The following ARFGEF2 variants were observed in gnomAD, a reference collection of about 807,000 sequenced individuals.
ARFGEF2 encodes brefeldin A-inhibited guanine nucleotide-exchange protein 2.
ARFGEF2 carries 74 observed loss-of-function variants against 219.9 expected under a neutral mutation model. That is an observed-to-expected ratio of 0.34 (90% confidence interval 0.28 to 0.41). The LOEUF (loss-of-function observed/expected upper bound fraction) is 0.41, where lower values mean the gene tolerates loss of function less well. Ranked by LOEUF, ARFGEF2 falls within the 10% of genes least tolerant of loss-of-function variation. The pLI, the probability that ARFGEF2 is intolerant of heterozygous loss-of-function variation, is 1.00. For missense variants in ARFGEF2, 1,743 were observed against 2,218.3 expected (o/e 0.79, Z 4.30); for synonymous variants, 733 against 799.2 (o/e 0.92, Z 1.40).
chr20:48,963,678 C>T, intron 6 of ARFGEF2, 152 bp from the exon 7 acceptor site: 2 of 723,744 alleles, frequency 2.8e-6, no homozygotes. Context: ...GGAAGTTGTC[C>T]TCCATTGACA....
intron 14 of ARFGEF2, 84 bp downstream of exon 14, chr20:48,976,283 A>G (rs879581767): frequency 1.0e-5 from 16 of 1,536,924 alleles, no homozygotes; most frequent in African/African-American, 2.7e-5. Context: ...CTAAAAAGGA[A>G]ATGCCTGTTT....
intron 21 of ARFGEF2, among the ~76,000 whole-genome samples, chr20:48,993,762 C>T (rs746155261): frequency 1.3e-5 from 2 of 152,154 alleles, no homozygotes; most frequent in Non-Finnish European, 2.9e-5. Context: ...CCCCTCAGGA[C>T]CAGGAGATCC....
intron 36 of ARFGEF2, among the ~76,000 whole-genome samples, chr20:49,027,280 G>A (rs1443926959): frequency 6.6e-6 from 1 of 151,966 alleles, no homozygotes; most frequent in African/African-American, 2.4e-5. Flanking sequence ...TGATCCACCT[G>A]CCTTGGCCTC....
At chr20:48,982,335 C>T (rs937661281) in intron 14 of ARFGEF2, among the ~76,000 whole-genome samples, 1 of 152,172 alleles carries the variant, frequency 6.6e-6, no homozygotes, top group African/African-American at 2.4e-5. Flanking sequence ...GCAAATATTG[C>T]AGAACAGCAA....
intron 7 of ARFGEF2, 101 bp downstream of exon 7, chr20:48,963,999 G>T: frequency 9.5e-7 from 1 of 1,047,254 alleles, no homozygotes. Context: ...CCTGCCCTAA[G>T]AACTGGTGGA....
At chr20:49,017,170 A>G in intron 31 of ARFGEF2, 79 bp from the exon 32 acceptor site, 1 of 1,459,052 alleles carries the variant, frequency 6.9e-7, no homozygotes, top group Non-Finnish European at 9.5e-7. Context: ...TCTCCAACTC[A>G]CAATATACAG....
At chr20:48,981,064 T>G (rs2091292632) in intron 14 of ARFGEF2, among the ~76,000 whole-genome samples, 1 of 152,228 alleles carries the variant, frequency 6.6e-6, no homozygotes, top group South Asian at 2.1e-4. Context: ...TGATGCAGTT[T>G]CTTCCTAGCA....
intron 36 of ARFGEF2, among the ~76,000 whole-genome samples, chr20:49,025,722 C>T (rs1292111228): frequency 5.9e-5 from 9 of 151,954 alleles, no homozygotes; most frequent in African/African-American, 1.7e-4. Context: ...GCCTGTAATC[C>T]CAACACTTTG....
chr20:48,981,020 A>G (rs971459841), intron 14 of ARFGEF2, among the ~76,000 whole-genome samples: 2 of 152,188 alleles, frequency 1.3e-5, no homozygotes, highest in African/African-American at 4.8e-5. Context: ...TGATCCTGTC[A>G]TTATAATGTT....
chr20:48,924,030 G>C (rs997895752), intron 1 of ARFGEF2, among the ~76,000 whole-genome samples: 5 of 152,208 alleles, frequency 3.3e-5, no homozygotes, highest in Non-Finnish European at 5.9e-5. Context: ...GGCATAATAG[G>C]AACTGTCATA....
intron 30 of ARFGEF2, among the ~76,000 whole-genome samples, chr20:49,014,268 A>C (rs1455870450): frequency 2.0e-5 from 3 of 151,904 alleles, no homozygotes; most frequent in Admixed American, 2.0e-4. Context: ...TGTTCATATC[A>C]ACCTCTGAGC....
intron 6 of ARFGEF2, among the ~76,000 whole-genome samples, chr20:48,962,576 C>A (rs2091160524): frequency 6.6e-6 from 1 of 152,340 alleles, no homozygotes. Context: ...TAACAGTGAT[C>A]TAGTCTAAAT....
At chr20:48,991,280 G>C in intron 21 of ARFGEF2, 82 bp downstream of exon 21, 1 of 1,582,028 alleles carries the variant, frequency 6.3e-7, no homozygotes, top group Non-Finnish European at 8.7e-7. Flanking sequence ...CATTTGGTCA[G>C]TTCTGTTTTT....
intron 1 of ARFGEF2, among the ~76,000 whole-genome samples, chr20:48,937,405 T>C (rs746537697): frequency 2.6e-5 from 4 of 152,152 alleles, no homozygotes; most frequent in Non-Finnish European, 5.9e-5. Context: ...TGTCTTTCTT[T>C]CTTTATTTCT....
At chr20:49,020,725 C>T (rs1421467493) in intron 34 of ARFGEF2, among the ~76,000 whole-genome samples, 3 of 152,168 alleles carry the variant, frequency 2.0e-5, no homozygotes, top group Non-Finnish European at 4.4e-5. Flanking sequence ...GGATTACATG[C>T]GTGAGCCACC....
chr20:48,947,427 G>A (rs187462689), intron 3 of ARFGEF2, among the ~76,000 whole-genome samples: 6 of 151,732 alleles, frequency 4.0e-5, no homozygotes, highest in African/African-American at 1.5e-4. Flanking sequence ...TTATGGGTTG[G>A]GCATGATGGT....
intron 1 of ARFGEF2, among the ~76,000 whole-genome samples, chr20:48,937,938 AC>A (rs1325661783): frequency 6.6e-6 from 1 of 152,218 alleles, no homozygotes; most frequent in African/African-American, 2.4e-5. Context: ...AGTGTTTTGA[AC>A]CGTGGTTGTA....
At chr20:48,988,689 T>TA in intron 18 of ARFGEF2, 27 bp downstream of exon 18, 1 of 1,606,728 alleles carries the variant, frequency 6.2e-7, no homozygotes, top group Admixed American at 1.7e-5. Flanking sequence ...AATTATTTCT[T>TA]TTAGTTCTAA....
chr20:48,994,148 T>A (rs1312227534), intron 21 of ARFGEF2, among the ~76,000 whole-genome samples: 1 of 152,044 alleles, frequency 6.6e-6, no homozygotes, highest in Non-Finnish European at 1.5e-5. Context: ...GGACAAGAGA[T>A]GACAAGTTAA....
Sources: allele counts gnomAD v4.1 joint callset (sites outside exome capture counted in the v4.1 genomes callset), GRCh38; gene constraint gnomAD v4.1.1; transcripts MANE v1.5; gene names NCBI Gene and HGNC (gene_info 2026-07-23, HGNC 2026-07-21).